The following DOCK3 variants were observed in gnomAD, a reference collection of about 807,000 sequenced individuals.
DOCK3 encodes the protein dedicator of cytokinesis protein 3.
DOCK3 carries 60 observed loss-of-function variants against 265.6 expected under a neutral mutation model. The ratio of observed to expected loss-of-function variants is 0.23; its 90% CI spans 0.18 to 0.28. DOCK3 has a LOEUF of 0.28. Ranked by LOEUF, DOCK3 falls within the 10% of genes least tolerant of loss-of-function variation. The pLI is 1.00. For missense variants in DOCK3, 1,981 were observed against 2,594.3 expected (o/e 0.76, Z 5.14); for synonymous variants, 881 against 938.0 (o/e 0.94, Z 1.11).
At chr3:51,143,015 C>T (rs867241436) in intron 9 of DOCK3, among the ~76,000 whole-genome samples, 1 of 151,724 alleles carries the variant, frequency 6.6e-6, no homozygotes, top group East Asian at 1.9e-4. Context: ...GCCTCCCGAG[C>T]AGCTAGGATT....
chr3:50,698,562 A>C (rs1236997890), intron 1 of DOCK3, among the ~76,000 whole-genome samples: 4 of 36,474 alleles, frequency 1.1e-4, no homozygotes, highest in Admixed American at 8.1e-4. Flanking sequence ...CCAGGTGTGG[A>C]ATTGCTGGAT....
intron 38 of DOCK3, among the ~76,000 whole-genome samples, chr3:51,344,407 G>C (rs1449351516): frequency 6.6e-6 from 1 of 152,214 alleles, no homozygotes; most frequent in African/African-American, 2.4e-5. Context: ...GATCACTTGA[G>C]GTCAGGAGTT....
rs62257843 is a variant in DOCK3 at position 51,016,952 on chromosome 3, T to A, written c.316-47496T>A. On this transcript the variant is annotated intron_variant, in intron 5 of 52. Transcript: ENST00000266037. ...TATATACAATATATGTTATATATAA[T>A]ATATATATTATATATATATAAATAA... Among the ~76,000 whole-genome samples, 5 of 34,614 alleles carry A rather than the reference T, an allele frequency of 1.4e-4. 1 individual carries two copies. The highest frequency in any genetic ancestry group is 1.2e-3 in the African/African-American group (5 of 4,324). 22.7% of individuals were successfully genotyped at this position (34,614 alleles called of 152,430 possible).
rs1278773554 is a variant in DOCK3, at chr3:51,359,887, C to T, written c.4885-624C>T. Among the ~76,000 whole-genome samples the T allele has an allele frequency of 6.6e-6, 1 of 152,206 alleles. No homozygotes were observed. Among genetic ancestry groups the T allele is most frequent in the Non-Finnish European group, 1.5e-5 (1 of 68,040 alleles). On this transcript the variant is annotated intron_variant, in intron 46 of 52. Coordinates refer to ENST00000266037, the MANE Select transcript of DOCK3 (RefSeq NM_004947.5). This position sits in a 1 kb window ranked among gnomAD's most constrained non-coding sequence, Gnocchi z 4.8. Reference sequence around the variant, plus strand: ...ACAGTTGTTTCCTCTGAGTTGTACACAGGGACACAAACAAACATGCTGTCA... The same window carrying T: ...ACAGTTGTTTCCTCTGAGTTGTACATAGGGACACAAACAAACATGCTGTCA...
intron 1 of DOCK3, among the ~76,000 whole-genome samples, chr3:50,757,457 C>T (rs1421856734): frequency 2.0e-5 from 3 of 152,130 alleles, no homozygotes; most frequent in Non-Finnish European, 4.4e-5. Context: ...CAGGCGTGAG[C>T]CACTGCGCCT....
chr3:50,736,224 A>G (rs1381470413), intron 1 of DOCK3, among the ~76,000 whole-genome samples: 1 of 152,228 alleles, frequency 6.6e-6, no homozygotes, highest in Non-Finnish European at 1.5e-5. Context: ...TGCAAAGGAC[A>G]TGAACTCATC....
chr3:50,701,507 T>A (rs959233412), intron 1 of DOCK3, among the ~76,000 whole-genome samples: 5 of 152,198 alleles, frequency 3.3e-5, no homozygotes, highest in African/African-American at 1.2e-4. Context: ...GATAAATAGT[T>A]TGCAAATATT....
intron 2 of DOCK3, among the ~76,000 whole-genome samples, chr3:50,792,302 A>T (rs1559643729): frequency 6.6e-6 from 1 of 152,148 alleles, no homozygotes; most frequent in South Asian, 2.1e-4. Context: ...TTGCACGTAG[A>T]TTTTGTATTC....
At position 51,374,040 on chromosome 3, in the gene DOCK3, C is replaced by A. The variant is rs1187948477; in HGVS notation, c.5294-429C>A. ...AGTAATAACAGTGTGGCTATGTTATCTGAGTGTCTCTGTCTCTGTGTGAGT... is the reference window on the plus strand; with the variant it reads ...AGTAATAACAGTGTGGCTATGTTATATGAGTGTCTCTGTCTCTGTGTGAGT... On this transcript the variant is annotated intron_variant, in intron 49 of 52. Coordinates refer to ENST00000266037, the MANE Select transcript of DOCK3 (RefSeq NM_004947.5). The surrounding 1 kb of genome is among the most constrained non-coding windows in gnomAD (Gnocchi z 4.8). 6.6e-6 allele frequency among the ~76,000 whole-genome samples: 1 copy of A among 152,194 alleles called. No individual in the cohort carries two copies. Among genetic ancestry groups the A allele is most frequent in the Non-Finnish European group, 1.5e-5 (1 of 68,036 alleles).
chr3:51,237,490 G>T lies in DOCK3; in HGVS notation c.2002G>T (p.Val668Leu). 2.5e-6 allele frequency: 4 copies of T among 1,613,050 alleles called. No homozygotes were observed. Among genetic ancestry groups the T allele is most frequent in the Non-Finnish European group, 2.5e-6 (3 of 1,179,556 alleles). The stretch of plus-strand genomic sequence containing the variant: ...ATGGCTTACTCTCCATATCTCCCAG[G>T]TGTTCATCATCAACCTGCTCCGAGA... ...KYGLLVFQSL[V>L]FIINLLRDIK... The change falls in exon 21 of 53, where the codon GTG becomes TTG. Residue 668 changes from valine to leucine, a missense_variant and splice_region_variant. Val to Leu is a conservative substitution (Grantham distance 32). Transcript: ENST00000266037.
intron 1 of DOCK3, among the ~76,000 whole-genome samples, chr3:50,697,062 C>T (rs933845309): frequency 7.2e-5 from 11 of 151,732 alleles, no homozygotes; most frequent in Admixed American, 5.9e-4. Context: ...TCCCGAGTAG[C>T]TGGGATTACA....
chr3:51,160,656 C>G lies in DOCK3; in HGVS notation c.991C>G (p.Leu331Val). 6.2e-7 allele frequency: 1 copy of G among 1,613,102 alleles called. No homozygotes were observed. The highest frequency in any genetic ancestry group is 1.1e-5 in the South Asian group (1 of 90,950). ...VLSILDVLQS[L>V]TEVKEEKDFV... ...AAGCATCTTGGATGTCCTACAGTCA[C>G]TCACAGAAGTAAAGGAAGAAAAGGA... The change falls in exon 12 of 53, where the codon CTC becomes GTC. Residue 331 changes from leucine (L) to valine (V), a missense_variant. By Grantham distance (32) the Leu-to-Val change is conservative. This residue lies in a region of DOCK3 where 456 missense variants were observed against 539.0 expected (regional missense o/e 0.85). Coordinates refer to ENST00000266037, the MANE Select transcript of DOCK3 (RefSeq NM_004947.5).
At chr3:51,136,752 T>C (rs1373786675) in intron 9 of DOCK3, among the ~76,000 whole-genome samples, 2 of 152,158 alleles carry the variant, frequency 1.3e-5, no homozygotes, top group African/African-American at 2.4e-5. Context: ...CCTTGCATTA[T>C]ACCAGTAGTT....
chr3:50,966,617 G>T (rs1462177436), intron 5 of DOCK3, among the ~76,000 whole-genome samples: 3 of 148,752 alleles, frequency 2.0e-5, no homozygotes, highest in African/African-American at 7.5e-5. Flanking sequence ...TCATACACCT[G>T]TTGCCATATG....
At chr3:50,904,638 TTTTAAG>T (rs1303452363) in intron 4 of DOCK3, among the ~76,000 whole-genome samples, 7 of 152,046 alleles carry the variant, frequency 4.6e-5, no homozygotes, top group Non-Finnish European at 7.4e-5. Flanking sequence ...TGTAGATTCT[TTTTAAG>T]TTTAAGTTCT....
rs568669801 is a variant in DOCK3, at chr3:50,832,821, T to A, written c.122-8854T>A. Among the ~76,000 whole-genome samples, 34 of 152,284 alleles carry A rather than the reference T, an allele frequency of 2.2e-4. No individual in the cohort carries two copies. The South Asian group carries it at 5.8e-3, about 26-fold the overall frequency. On this transcript the variant is annotated intron_variant, in intron 2 of 52. Coordinates refer to ENST00000266037, the MANE Select transcript of DOCK3 (RefSeq NM_004947.5). ...ATATTCCTGCCTAACTATCAGGGTCTCTTGTATTCAGGTTTGAGAGGAGCT... is the reference window on the plus strand; with the variant it reads ...ATATTCCTGCCTAACTATCAGGGTCACTTGTATTCAGGTTTGAGAGGAGCT...
chr3:50,992,474 A>T (rs570702841), intron 5 of DOCK3, among the ~76,000 whole-genome samples: 1 of 152,090 alleles, frequency 6.6e-6, no homozygotes, highest in African/African-American at 2.4e-5. Context: ...ATTTTTTATT[A>T]GTAGTAGAGA....
At chr3:51,010,265 T>A (rs1404200910) in intron 5 of DOCK3, among the ~76,000 whole-genome samples, 3 of 152,132 alleles carry the variant, frequency 2.0e-5, no homozygotes, top group African/African-American at 4.8e-5. Flanking sequence ...GTCTGTTTGT[T>A]GGTCTCTAAG....
At chr3:50,950,158 A>G (rs984747430) in intron 5 of DOCK3, among the ~76,000 whole-genome samples, 28 of 152,120 alleles carry the variant, frequency 1.8e-4, no homozygotes, top group African/African-American at 6.3e-4. Context: ...TGCCTGTTAT[A>G]TACTTTCAGT....
Sources: allele counts gnomAD v4.1 joint callset (sites outside exome capture counted in the v4.1 genomes callset), GRCh38; gene constraint gnomAD v4.1.1; regional missense constraint gnomAD v4.1.1; non-coding constraint Gnocchi (gnomAD v3.1); transcripts MANE v1.5; gene names NCBI Gene and HGNC (gene_info 2026-07-23, HGNC 2026-07-21).